Variants in ADAD1 observed in about 807,000 individuals in gnomAD.
ADAD1 encodes adenosine deaminase domain-containing protein 1.
Under a neutral mutation model 66.8 loss-of-function variants are expected in ADAD1, and 46 were observed. The observed-to-expected ratio is 0.69, with a 90% CI of 0.54 to 0.88. The LOEUF is 0.88. Ranked by LOEUF, ADAD1 falls within the 40% of genes least tolerant of loss-of-function variation. The pLI, the probability that ADAD1 is intolerant of heterozygous loss-of-function variation, is 0.00. For missense variants in ADAD1, 617 were observed against 681.8 expected (o/e 0.91, Z 1.06); for synonymous variants, 248 against 229.4 (o/e 1.08, Z -0.73).
chr4:122,397,574 A>T (rs146956798), intron 7 of ADAD1, among the ~76,000 whole-genome samples: 1 of 152,326 alleles, frequency 6.6e-6, no homozygotes, highest in East Asian at 1.9e-4. Flanking sequence ...TTGACAAATA[A>T]TTTTTTAAAA....
chr4:122,388,306 A>G (rs554259128), intron 5 of ADAD1, among the ~76,000 whole-genome samples: 1 of 152,328 alleles, frequency 6.6e-6, no homozygotes, highest in East Asian at 1.9e-4. Flanking sequence ...GATGTTCATC[A>G]GGTATATTGG....
At chr4:122,417,625 CAA>C (rs887387555) in intron 11 of ADAD1, among the ~76,000 whole-genome samples, 3 of 152,046 alleles carry the variant, frequency 2.0e-5, no homozygotes, top group African/African-American at 7.2e-5. Flanking sequence ...AAACAGTAAA[CAA>C]AGATATAGCC....
intron 6 of ADAD1, among the ~76,000 whole-genome samples, chr4:122,393,943 T>A (rs890599446): frequency 6.6e-6 from 1 of 152,204 alleles, no homozygotes; most frequent in Admixed American, 6.5e-5. Context: ...GGGCTTGTCA[T>A]GAACGAAAAC....
chr4:122,412,487 T>C (rs1796511129), intron 9 of ADAD1, 93 bp from the exon 10 acceptor site: 1 of 1,025,440 alleles, frequency 9.8e-7, no homozygotes, highest in South Asian at 1.6e-5. Context: ...CACTGGGAAG[T>C]TAAACATGTT....
At chr4:122,415,199 C>T (rs934419509) in intron 10 of ADAD1, among the ~76,000 whole-genome samples, 180 bp from the exon 11 acceptor site, 5 of 151,924 alleles carry the variant, frequency 3.3e-5, no homozygotes, top group African/African-American at 7.3e-5. Flanking sequence ...TCTGTTATTA[C>T]CTTGTTCTGG....
intron 11 of ADAD1, among the ~76,000 whole-genome samples, chr4:122,419,658 T>C (rs114414960): frequency 1.0e-3 from 153 of 152,294 alleles, no homozygotes; most frequent in African/African-American, 3.6e-3. Flanking sequence ...TACAATAATA[T>C]GTTTTATACA....
chr4:122,399,369 G>A (rs2150560311), intron 7 of ADAD1, among the ~76,000 whole-genome samples: 1 of 152,216 alleles, frequency 6.6e-6, no homozygotes, highest in Middle Eastern at 3.4e-3. Flanking sequence ...CCAATACCAT[G>A]TTGTTTTGGT....
At chr4:122,413,430 G>C (rs567342057) in intron 10 of ADAD1, among the ~76,000 whole-genome samples, 1 of 151,848 alleles carries the variant, frequency 6.6e-6, no homozygotes, top group African/African-American at 2.4e-5. Flanking sequence ...GAGTAATCTG[G>C]AAAAAAATTC....
intron 8 of ADAD1, among the ~76,000 whole-genome samples, chr4:122,409,187 A>G (rs1490183163): frequency 6.6e-6 from 1 of 152,208 alleles, no homozygotes; most frequent in African/African-American, 2.4e-5. Flanking sequence ...TTCCAGACTC[A>G]GTCACTCTGT....
intron 7 of ADAD1, among the ~76,000 whole-genome samples, chr4:122,407,091 T>A (rs868361721): frequency 1.6e-4 from 24 of 150,902 alleles, no homozygotes; most frequent in Admixed American, 2.6e-4. Flanking sequence ...AAAAAAAAAA[T>A]GACAAGAACT....
chr4:122,398,317 GGTGTGTGTGT>G (rs112075307), intron 7 of ADAD1, among the ~76,000 whole-genome samples: 3 of 148,580 alleles, frequency 2.0e-5, no homozygotes, highest in Admixed American at 6.7e-5. Context: ...AGTATTCCAG[GGTGTGTGTGT>G]GTGTGTGTGT....
chr4:122,384,585 A>G (rs10049593), intron 5 of ADAD1, among the ~76,000 whole-genome samples: 4,896 of 152,282 alleles, frequency 0.032, 269 homozygotes, highest in African/African-American at 0.11. Context: ...ACACAATCAA[A>G]TTACAAAGTA....
intron 5 of ADAD1, among the ~76,000 whole-genome samples, chr4:122,391,356 C>T (rs1190124496): frequency 6.6e-6 from 1 of 152,212 alleles, no homozygotes; most frequent in Non-Finnish European, 1.5e-5. Context: ...GCACGGGGAG[C>T]AGGACCCGCT....
At position 122,421,464 on chromosome 4, in the gene ADAD1, A is replaced by G. The variant is rs1796999715; in HGVS notation, c.1617+74A>G. The G allele has an allele frequency of 4.7e-6, 6 of 1,288,348 alleles. No individual in the cohort carries two copies. In the South Asian group the frequency reaches 1.4e-4, roughly 30 times the overall value. 79.8% of individuals were successfully genotyped at this position (1,288,348 alleles called of 1,614,324 possible). A position where few individuals can be genotyped will look rare whatever the true frequency, so the allele number is the denominator to read the frequency against. Reference sequence around the variant, plus strand: ...TTAATGTGGTCATTTTAAAATGGTTATCCTTAGCAAAAGTTTGTTGAATAC... The same window carrying G: ...TTAATGTGGTCATTTTAAAATGGTTGTCCTTAGCAAAAGTTTGTTGAATAC... On this transcript the variant is annotated intron_variant, in intron 12 of 12. Transcript: ENST00000296513.
intron 7 of ADAD1, among the ~76,000 whole-genome samples, chr4:122,399,179 T>C (rs554115664): frequency 6.6e-6 from 1 of 152,194 alleles, no homozygotes; most frequent in Non-Finnish European, 1.5e-5. Context: ...GTTTTATTGT[T>C]ATACATGTGG....
At chr4:122,379,948 G>C in intron 2 of ADAD1, 114 bp from the exon 3 acceptor site, 5 of 1,057,692 alleles carry the variant, frequency 4.7e-6, no homozygotes, top group Non-Finnish European at 6.7e-6. Flanking sequence ...CTAGTCATCT[G>C]AATATGTGCC....
intron 5 of ADAD1, among the ~76,000 whole-genome samples, chr4:122,390,324 T>A (rs1430845391): frequency 1.3e-5 from 2 of 152,184 alleles, no homozygotes; most frequent in Non-Finnish European, 1.5e-5. Flanking sequence ...GAGAATCTGA[T>A]GATTATGTGT....
intron 7 of ADAD1, among the ~76,000 whole-genome samples, chr4:122,404,164 C>T (rs1560591372): frequency 1.3e-5 from 2 of 152,170 alleles, no homozygotes; most frequent in Non-Finnish European, 2.9e-5. Context: ...GGCTTCTGCA[C>T]TCCTATCTGC....
In ADAD1 at chr4:122,381,089, C is replaced by T. The variant is rs28572399; in HGVS notation, c.270C>T (p.Tyr90=). 0.016 allele frequency: 25,745 copies of T among 1,605,272 alleles called. 3,514 individuals carry two copies. In the African/African-American group the frequency reaches 0.3, roughly 19 times the overall value. ...TACCTAAGGAATTTATAATGAAATA[C>T]AAACGTGGAGAGATAAATCCTGTGT... is the stretch of plus-strand genomic sequence containing the variant. ...KKIPKEFIMK[Y]KRGEINPVSA... Residue 90 remains tyrosine (Y), a synonymous_variant, in exon 4 of 13, where the codon TAC becomes TAT. Coordinates refer to ENST00000296513, the MANE Select transcript of ADAD1 (RefSeq NM_139243.4).
Sources: allele counts gnomAD v4.1 joint callset (sites outside exome capture counted in the v4.1 genomes callset), GRCh38; gene constraint gnomAD v4.1.1; transcripts MANE v1.5; gene names NCBI Gene and HGNC (gene_info 2026-07-23, HGNC 2026-07-21).